The following MYOM3 variants were observed in gnomAD, a reference collection of about 807,000 sequenced individuals.
The protein encoded by MYOM3 is myomesin 3.
MYOM3 carries 155 observed loss-of-function variants against 191.7 expected under a neutral mutation model. The ratio of observed to expected loss-of-function variants is 0.81; its 90% CI spans 0.71 to 0.92. The LOEUF (loss-of-function observed/expected upper bound fraction) is 0.92, where lower values mean the gene tolerates loss of function less well. Among genes scored for constraint, MYOM3 ranks in the 40% least tolerant of loss-of-function variants. MYOM3 has a pLI of 0.00. For synonymous variants in MYOM3, 757 were observed against 762.9 expected, an observed-to-expected ratio of 0.99 and a Z score of 0.13; for missense variants, 1,889 against 1,890.6, an observed-to-expected ratio of 1.00 and a Z score of 0.02.
intron 23 of MYOM3, among the ~76,000 whole-genome samples, chr1:24,073,602 C>T (rs1214056620): frequency 4.6e-5 from 7 of 152,148 alleles, no homozygotes; most frequent in African/African-American, 9.7e-5. Flanking sequence ...CAGTGGCTCA[C>T]GCCTGTAATC....
chr1:24,082,471 T>G, intron 17 of MYOM3, 122 bp downstream of exon 17: 1 of 1,323,386 alleles, frequency 7.6e-7, no homozygotes, highest in Non-Finnish European at 1.0e-6. Context: ...AGCTCCAGTT[T>G]CCCTCAGAGG....
At chr1:24,067,875 C>A (rs1055075706) in intron 27 of MYOM3, 95 bp downstream of exon 27, 3 of 1,248,412 alleles carry the variant, frequency 2.4e-6, no homozygotes, top group African/African-American at 2.9e-5. Flanking sequence ...CCCTTGGGGA[C>A]CCAGCAGGGC....
intron 20 of MYOM3, among the ~76,000 whole-genome samples, chr1:24,077,818 C>T (rs1188401632): frequency 2.6e-5 from 4 of 152,208 alleles, no homozygotes; most frequent in African/African-American, 4.8e-5. Flanking sequence ...TAGGCTGTCC[C>T]GCCCTGGCCT....
chr1:24,080,435 G>A (rs963253125), intron 19 of MYOM3, among the ~76,000 whole-genome samples: 2 of 152,100 alleles, frequency 1.3e-5, no homozygotes, highest in African/African-American at 2.4e-5. Flanking sequence ...CCCTCCTCCC[G>A]GTAGCTTCCC....
chr1:24,076,058 G>GCCTA lies in MYOM3; in HGVS notation c.2701+97_2701+100dup, dbSNP rs376209787. 238 of 866,346 alleles carry GCCTA rather than the reference G, an allele frequency of 2.7e-4. No individual in the cohort carries two copies. In the African/African-American group the frequency reaches 3.0e-3, roughly 11 times the overall value. 53.7% of individuals were successfully genotyped at this position (866,346 alleles called of 1,614,324 possible). A position where few individuals can be genotyped will look rare whatever the true frequency, so the allele number is the denominator to read the frequency against. ...GCTGGAGGGCCAGAGAAGTGTGAGG[G>GCCTA]CCTAGCACAGCATCAGGCTTCTCCC... On this transcript the variant is annotated intron_variant, in intron 21 of 36. Coordinates refer to ENST00000374434, the MANE Select transcript of MYOM3 (RefSeq NM_152372.4).
rs1236890483 is a variant in MYOM3, at chr1:24,067,088, C to A, written c.3356G>T (p.Gly1119Val). Reference sequence around the variant, plus strand: ...CTGCAACGGCCGCTCAAAATAGGGACCTGTGCGTGCAAAACAAATGTGCCC... The same window carrying A: ...CTGCAACGGCCGCTCAAAATAGGGAACTGTGCGTGCAAAACAAATGTGCCC... ...AKRRDWKRKQ[G>V]PYFERPLQWK... Residue 1119 changes from glycine to valine, a missense_variant and splice_region_variant, in exon 28 of 37, where the codon GGT becomes GTT. By Grantham distance (109) the Gly-to-Val change is moderately radical. Transcript: ENST00000374434. The A allele has an allele frequency of 6.4e-7, 1 of 1,571,192 alleles. No individual in the cohort carries two copies.
chr1:24,109,295 GAA>G (rs1421567169), intron 1 of MYOM3, among the ~76,000 whole-genome samples: 2 of 152,232 alleles, frequency 1.3e-5, no homozygotes, highest in Non-Finnish European at 2.9e-5. Context: ...GTAACCTTGG[GAA>G]AGACTCATGA....
Position 24,087,655 on chromosome 1 carries a change from A to G in MYOM3, c.1615-828T>C, listed in dbSNP as rs924466354. On this transcript the variant is annotated intron_variant, in intron 14 of 36. Coordinates refer to ENST00000374434, the MANE Select transcript of MYOM3 (RefSeq NM_152372.4). The surrounding 1 kb of genome is among the most constrained non-coding windows in gnomAD (Gnocchi z 4.5). Reference sequence around the variant, plus strand: ...CACCTTCCTGGGCAGTGGGGAGGCCATCCCAGCCACTCCATCTAAAAATGT... The same window carrying G: ...CACCTTCCTGGGCAGTGGGGAGGCCGTCCCAGCCACTCCATCTAAAAATGT... Among the ~76,000 whole-genome samples, 1 of 151,958 alleles carries G rather than the reference A, an allele frequency of 6.6e-6. No homozygotes were observed. The highest frequency in any genetic ancestry group is 2.4e-5 in the African/African-American group (1 of 41,348).
intron 1 of MYOM3, among the ~76,000 whole-genome samples, chr1:24,110,294 C>G (rs748600530): frequency 9.2e-5 from 14 of 152,168 alleles, no homozygotes; most frequent in Non-Finnish European, 2.1e-4. Context: ...GGGGTCAGCT[C>G]TGTCTGGCCC....
intron 6 of MYOM3, among the ~76,000 whole-genome samples, chr1:24,098,925 A>G (rs1465639487): frequency 6.6e-6 from 1 of 152,152 alleles, no homozygotes; most frequent in Non-Finnish European, 1.5e-5. Context: ...GTAGCTGTAC[A>G]AGAGCCTTAA....
chr1:24,103,821 C>CG (rs1485692099), intron 5 of MYOM3, among the ~76,000 whole-genome samples: 1 of 152,028 alleles, frequency 6.6e-6, no homozygotes, highest in African/African-American at 2.4e-5. Flanking sequence ...GATCTCCCCC[C>CG]GCCCCACAAA....
chr1:24,090,058 C>T lies in MYOM3; in HGVS notation c.1486+7G>A, dbSNP rs182870658. Reference sequence around the variant, plus strand: ...GGAGGCCCAGTGTGTGGGAGGATCCCGCGTACCTTCAAAAGCGTCTGTGCT... The same window carrying T: ...GGAGGCCCAGTGTGTGGGAGGATCCTGCGTACCTTCAAAAGCGTCTGTGCT... On this transcript the variant is annotated splice_region_variant and intron_variant, in intron 13 of 36. Coordinates refer to ENST00000374434, the MANE Select transcript of MYOM3 (RefSeq NM_152372.4). The T allele has an allele frequency of 1.1e-4, 185 of 1,613,760 alleles. 1 individual carries two copies. The highest frequency in any genetic ancestry group is 7.5e-4 in the Admixed American group (45 of 60,018).
chr1:24,090,014 G>C lies in MYOM3; in HGVS notation c.1486+51C>G, dbSNP rs532863927. ...TGCCTCTTTGCCAGCTCATGTCCCAGAGTTTTGAGAACTATACAGGAGGCC... is the reference window on the plus strand; with the variant it reads ...TGCCTCTTTGCCAGCTCATGTCCCACAGTTTTGAGAACTATACAGGAGGCC... On this transcript the variant is annotated intron_variant, in intron 13 of 36. Transcript: ENST00000374434. The C allele has an allele frequency of 3.5e-5, 55 of 1,575,158 alleles. No homozygotes were observed. In the South Asian group the frequency reaches 5.5e-4, roughly 16 times the overall value.
rs1301624534 is a variant in MYOM3, at chr1:24,108,646, A to G, written c.-10T>C. On this transcript the variant is annotated 5_prime_UTR_variant, in exon 2 of 37. Coordinates refer to ENST00000374434, the MANE Select transcript of MYOM3 (RefSeq NM_152372.4). ...TGTGCGGCAGAGTCATGGTTACGAGAGCAACAACCTGTGAAGGCCAAGGTC... is the reference window on the plus strand; with the variant it reads ...TGTGCGGCAGAGTCATGGTTACGAGGGCAACAACCTGTGAAGGCCAAGGTC... 4.5e-6 allele frequency: 7 copies of G among 1,541,876 alleles called. No individual in the cohort carries two copies. The highest frequency in any genetic ancestry group is 6.1e-6 in the Non-Finnish European group (7 of 1,146,520).
chr1:24,106,115 G>C (rs1643981431), intron 4 of MYOM3, 38 bp from the exon 5 acceptor site: 1 of 1,557,786 alleles, frequency 6.4e-7, no homozygotes, highest in African/African-American at 1.4e-5. Context: ...TGTGAGCCAG[G>C]GACCACCTCT....
At chr1:24,069,062 T>C (rs199573845) in intron 25 of MYOM3, among the ~76,000 whole-genome samples, 31 of 152,128 alleles carry the variant, frequency 2.0e-4, no homozygotes, top group African/African-American at 7.0e-4. Context: ...AAAAACCCCA[T>C]TGGCGTGTGT....
intron 3 of MYOM3, 61 bp downstream of exon 3, chr1:24,107,932 G>C (rs901021894): frequency 7.1e-7 from 1 of 1,412,856 alleles, no homozygotes. Context: ...CAGGGAGGCC[G>C]GGGACTGGAC....
At chr1:24,081,489 A>C in intron 18 of MYOM3, 33 bp from the exon 19 acceptor site, 1 of 1,605,422 alleles carries the variant, frequency 6.2e-7, no homozygotes, top group Non-Finnish European at 8.5e-7. Context: ...TATGAGGCTG[A>C]GGCTGGAGGA....
intron 29 of MYOM3, chr1:24,065,647 T>A: frequency 1.8e-6 from 1 of 563,710 alleles, no homozygotes; most frequent in Non-Finnish European, 3.2e-6. Flanking sequence ...ACTGATTCTG[T>A]CTCTATTGAA....
Sources: gnomAD v4.1 joint callset for allele counts (sites outside exome capture counted in the v4.1 genomes callset) on GRCh38, gnomAD v4.1.1 for gene constraint, Gnocchi (gnomAD v3.1) non-coding constraint, MANE v1.5 for transcripts, NCBI Gene and HGNC (gene_info 2026-07-23, HGNC 2026-07-21) for gene names.